The following HLF variants were observed in gnomAD, a reference collection of about 807,000 sequenced individuals.
HLF encodes hepatic leukemia factor.
In HLF, 3 loss-of-function variants were observed where a neutral mutation model predicts 22.6. The ratio of observed to expected loss-of-function variants is 0.13; its 90% CI spans 0.06 to 0.34. HLF has a LOEUF of 0.34. Among genes scored for constraint, HLF ranks in the 10% least tolerant of loss-of-function variants. HLF has a pLI of 1.00. For synonymous variants in HLF, 151 were observed against 151.8 expected (o/e 0.99, Z 0.04); for missense variants, 299 against 389.2 (o/e 0.77, Z 1.95).
Position 55,265,281 on chromosome 17 carries a change from G to A in HLF, c.-204G>A. 2.1e-6 allele frequency: 1 copy of A among 483,788 alleles called. No individual in the cohort carries two copies. The highest frequency in any genetic ancestry group is 3.6e-6 in the Non-Finnish European group (1 of 279,106). The allele number at this position is 483,788 out of a possible 1,614,324, so 30.0% of individuals were successfully genotyped here. Reference sequence around the variant, plus strand: ...CGCTCTCCTGGGACCGTCTGCACTGGAAACCCGAAAGTTTTTTTTTAATAT... The same window carrying A: ...CGCTCTCCTGGGACCGTCTGCACTGAAAACCCGAAAGTTTTTTTTTAATAT... On this transcript the variant is annotated 5_prime_UTR_variant, in exon 1 of 4. Transcript: ENST00000226067.
chr17:55,290,369 T>C (rs915531215), intron 2 of HLF, among the ~76,000 whole-genome samples: 2 of 152,222 alleles, frequency 1.3e-5, no homozygotes, highest in African/African-American at 4.8e-5. Flanking sequence ...GCACTATTTT[T>C]CCAACAGTAT....
chr17:55,292,220 A>G (rs1304493228), intron 2 of HLF, among the ~76,000 whole-genome samples: 3 of 152,234 alleles, frequency 2.0e-5, no homozygotes, highest in Admixed American at 2.0e-4. Context: ...TGTGAGTAAA[A>G]TGCTATCAAA....
intron 2 of HLF, among the ~76,000 whole-genome samples, chr17:55,312,217 T>C (rs185152430): frequency 5.9e-5 from 9 of 152,344 alleles, no homozygotes; most frequent in African/African-American, 2.2e-4. Context: ...GTAATTCTAT[T>C]TTTAGTTCTT....
chr17:55,267,879 C>T lies in HLF; in HGVS notation c.244C>T (p.Gln82Ter). 1 of 1,614,094 alleles carries T rather than the reference C, an allele frequency of 6.2e-7. No homozygotes were observed. The change falls in exon 2 of 4, where the codon CAG (glutamine) becomes TAG (stop). Residue 82 changes from glutamine to a stop codon, truncating the protein, a stop_gained. Transcript: ENST00000226067. LOFTEE classifies it high-confidence loss of function. ...CCTTCCCTATGACGGAGATACTTTC[C>T]AGTTGGAATACATGGACCTGGAGGA... is the stretch of plus-strand genomic sequence containing the variant. ...KTLPYDGDTF[Q>*]LEYMDLEEFL... is the part of the protein sequence containing the mutation.
intron 3 of HLF, among the ~76,000 whole-genome samples, chr17:55,315,990 T>C (rs945890242): frequency 2.6e-5 from 4 of 152,220 alleles, no homozygotes; most frequent in Admixed American, 2.6e-4. Flanking sequence ...CCTGACACCA[T>C]TTATATGTAT....
intron 2 of HLF, among the ~76,000 whole-genome samples, chr17:55,305,622 T>A (rs2145356210): frequency 6.6e-6 from 1 of 152,350 alleles, no homozygotes; most frequent in Non-Finnish European, 1.5e-5. Flanking sequence ...TCTAGCTGTA[T>A]GACTTTAAGC....
chr17:55,281,581 T>A (rs952464552), intron 2 of HLF, among the ~76,000 whole-genome samples: 1 of 152,174 alleles, frequency 6.6e-6, no homozygotes, highest in African/African-American at 2.4e-5. Context: ...GTGAACACAA[T>A]GCTCCTAAGT....
In HLF at chr17:55,270,109, C is replaced by T. The variant is rs188631115; in HGVS notation, c.451+2023C>T. Among the ~76,000 whole-genome samples, 10 of 152,256 alleles carry T rather than the reference C, an allele frequency of 6.6e-5. No homozygotes were observed. In the East Asian group the frequency reaches 1.9e-3, roughly 29 times the overall value. On this transcript the variant is annotated intron_variant, in intron 2 of 3. Coordinates refer to ENST00000226067, the MANE Select transcript of HLF (RefSeq NM_002126.5). ...AGTGACTCTCAGAAGGCTTGGAATGCCCAATCAGAGTTGCAATGCATAGCA... is the reference window on the plus strand; with the variant it reads ...AGTGACTCTCAGAAGGCTTGGAATGTCCAATCAGAGTTGCAATGCATAGCA...
intron 2 of HLF, among the ~76,000 whole-genome samples, chr17:55,289,372 T>C (rs1052051834): frequency 1.3e-5 from 2 of 152,202 alleles, no homozygotes; most frequent in Admixed American, 6.5e-5. Context: ...ACAGAATTCA[T>C]TCTATGTACC....
chr17:55,278,935 A>G (rs1430351083), intron 2 of HLF, among the ~76,000 whole-genome samples: 1 of 152,226 alleles, frequency 6.6e-6, no homozygotes, highest in East Asian at 1.9e-4. Context: ...GTAATATAAA[A>G]TGTAAAGATG....
intron 2 of HLF, among the ~76,000 whole-genome samples, chr17:55,299,917 T>C (rs946707121): frequency 1.3e-5 from 2 of 152,070 alleles, no homozygotes; most frequent in Non-Finnish European, 2.9e-5. Context: ...ACTGCAGCCT[T>C]GAACTCCTGG....
intron 2 of HLF, among the ~76,000 whole-genome samples, chr17:55,302,687 A>G (rs1364873284): frequency 6.6e-6 from 1 of 152,252 alleles, no homozygotes; most frequent in African/African-American, 2.4e-5. Context: ...TTTAATAACT[A>G]GCCATGGCAG....
intron 2 of HLF, among the ~76,000 whole-genome samples, chr17:55,270,995 C>T (rs1163369734): frequency 1.3e-5 from 2 of 152,136 alleles, no homozygotes; most frequent in Non-Finnish European, 2.9e-5. Context: ...CATCGCGGCC[C>T]CTACCTCCTA....
chr17:55,302,831 T>C (rs1210506824), intron 2 of HLF, among the ~76,000 whole-genome samples: 1 of 152,190 alleles, frequency 6.6e-6, no homozygotes, highest in East Asian at 1.9e-4. Context: ...GAAAGTCTAT[T>C]TCTGAAAATA....
intron 1 of HLF, chr17:55,265,897 T>G (rs2080783108): frequency 2.2e-5 from 24 of 1,110,524 alleles, no homozygotes; most frequent in Admixed American, 1.6e-4. Context: ...GTCAGGATCG[T>G]TCCCTAGAAC....
chr17:55,270,078 T>G (rs1048811166), intron 2 of HLF, among the ~76,000 whole-genome samples: 1 of 152,202 alleles, frequency 6.6e-6, no homozygotes, highest in African/African-American at 2.4e-5. Context: ...AGAGTCAGTA[T>G]TGATCAGTGA....
Position 55,320,917 on chromosome 17 carries a change from C to A in HLF, c.*38C>A, listed in dbSNP as rs1307151584. The A allele has an allele frequency of 2.0e-6, 3 of 1,520,872 alleles. No individual in the cohort carries two copies. Among genetic ancestry groups the A allele is most frequent in the Admixed American group, 3.7e-5 (2 of 54,528 alleles). 94.2% of individuals were successfully genotyped at this position (1,520,872 alleles called of 1,614,324 possible). A position where few individuals can be genotyped will look rare whatever the true frequency, so the allele number is the denominator to read the frequency against. On this transcript the variant is annotated 3_prime_UTR_variant, in exon 4 of 4. Coordinates refer to ENST00000226067, the MANE Select transcript of HLF (RefSeq NM_002126.5). This position sits in a 1 kb window ranked among gnomAD's most constrained non-coding sequence, Gnocchi z 4.2. ...GCAGGCTGGCTTTGGAATAGATGGA[C>A]AGTTTGTTTCCTGTCTGATAGCACC...
intron 2 of HLF, among the ~76,000 whole-genome samples, chr17:55,310,281 T>C (rs980319314): frequency 2.0e-5 from 3 of 152,142 alleles, no homozygotes; most frequent in Non-Finnish European, 4.4e-5. Flanking sequence ...CATGATGGGG[T>C]TGATCTTGTC....
At chr17:55,294,552 C>T (rs1331526318) in intron 2 of HLF, among the ~76,000 whole-genome samples, 13 of 152,174 alleles carry the variant, frequency 8.5e-5, no homozygotes, top group Non-Finnish European at 1.8e-4. Flanking sequence ...GTTTCCTTCC[C>T]CTTTCTGTGT....
Sources: allele counts gnomAD v4.1 joint callset (sites outside exome capture counted in the v4.1 genomes callset), GRCh38; gene constraint gnomAD v4.1.1; non-coding constraint Gnocchi (gnomAD v3.1); transcripts MANE v1.5; gene names NCBI Gene and HGNC (gene_info 2026-07-23, HGNC 2026-07-21).